The following CCDC141 variants were observed in gnomAD, a reference collection of about 807,000 sequenced individuals.
CCDC141 encodes coiled-coil domain-containing protein 141.
Under a neutral mutation model 181.0 loss-of-function variants are expected in CCDC141, and 168 were observed. The observed-to-expected ratio is 0.93, with a 90% CI of 0.82 to 1.05. The LOEUF is 1.05. Ranked by LOEUF, CCDC141 falls within the 50% of genes least tolerant of loss-of-function variation. CCDC141 has a pLI of 0.00. For missense variants in CCDC141, 1,902 were observed against 1,788.5 expected (o/e 1.06, Z -1.14); for synonymous variants, 666 against 642.3 (o/e 1.04, Z -0.56).
At chr2:179,001,249 T>TA (rs2041964313) in intron 2 of CCDC141, among the ~76,000 whole-genome samples, 2 of 152,214 alleles carry the variant, frequency 1.3e-5, no homozygotes. Flanking sequence ...TTTAGATACT[T>TA]ACGCATCTCT....
chr2:179,015,076 A>ATATATATATG (rs1271119135), intron 2 of CCDC141, among the ~76,000 whole-genome samples: 5 of 31,224 alleles, frequency 1.6e-4, no homozygotes, highest in African/African-American at 5.4e-4. Flanking sequence ...AGATATATAT[A>ATATATATATG]TATATATATA....
At chr2:179,037,273 T>A (rs888185808) in intron 2 of CCDC141, among the ~76,000 whole-genome samples, 1 of 152,212 alleles carries the variant, frequency 6.6e-6, no homozygotes, top group African/African-American at 2.4e-5. Flanking sequence ...AGTGGAAACA[T>A]CTTCCCTAAC....
In CCDC141 at chr2:178,950,199, CTT is replaced by C. The variant is rs573986561; in HGVS notation, c.781-5550_781-5549del. Among the ~76,000 whole-genome samples, 267 of 152,292 alleles carry C rather than the reference CTT, an allele frequency of 1.8e-3. 5 individuals are homozygous for C. In the South Asian group the frequency reaches 0.023, roughly 13 times the overall value. On this transcript the variant is annotated intron_variant, in intron 5 of 23. Transcript: ENST00000443758. ...GTTATTTATCTTCTTTAACCCAAGACTTTTTGACAGTCTCTCTGGCAATTACC... is the reference window on the plus strand; with the variant it reads ...GTTATTTATCTTCTTTAACCCAAGACTTTGACAGTCTCTCTGGCAATTACC...
chr2:178,903,927 G>A (rs536944614), intron 8 of CCDC141, among the ~76,000 whole-genome samples: 2 of 152,120 alleles, frequency 1.3e-5, no homozygotes, highest in East Asian at 1.9e-4. Context: ...AAACCTCACC[G>A]CTTAATTCAG....
chr2:179,005,383 C>T (rs977964744), intron 2 of CCDC141, among the ~76,000 whole-genome samples: 4 of 151,524 alleles, frequency 2.6e-5, no homozygotes, highest in South Asian at 2.1e-4. Flanking sequence ...TTTTAAAATA[C>T]GTTATAATGT....
At chr2:178,976,364 C>G (rs1362895798) in intron 3 of CCDC141, among the ~76,000 whole-genome samples, 1 of 151,670 alleles carries the variant, frequency 6.6e-6, no homozygotes, top group African/African-American at 2.4e-5. Context: ...TTTGGGGATT[C>G]TTAATATTTT....
chr2:178,916,233 T>A (rs1336807535), intron 7 of CCDC141, among the ~76,000 whole-genome samples: 1 of 152,216 alleles, frequency 6.6e-6, no homozygotes, highest in Non-Finnish European at 1.5e-5. Context: ...ATTCATTATA[T>A]AAACTGAACA....
chr2:178,889,549 A>G (rs1039450761), intron 8 of CCDC141, among the ~76,000 whole-genome samples: 6 of 152,218 alleles, frequency 3.9e-5, no homozygotes, highest in Non-Finnish European at 8.8e-5. Context: ...AGCTCAGAAC[A>G]AGGTACAGGT....
At chr2:178,963,760 C>T (rs1690503941) in intron 4 of CCDC141, among the ~76,000 whole-genome samples, 1 of 151,864 alleles carries the variant, frequency 6.6e-6, no homozygotes, top group Admixed American at 6.6e-5. Flanking sequence ...GTTTATTCCA[C>T]ATGACCTAGA....
At chr2:179,029,925 A>G (rs2042955600) in intron 2 of CCDC141, among the ~76,000 whole-genome samples, 1 of 152,136 alleles carries the variant, frequency 6.6e-6, no homozygotes, top group South Asian at 2.1e-4. Flanking sequence ...TAATTATCCA[A>G]TACTTTTTCC....
At chr2:178,823,803 G>T in the CCDC141 span, among the ~76,000 whole-genome samples, 6,850 of 152,186 alleles carry the variant, frequency 0.045, 293 homozygotes, top group Admixed American at 0.14. Context: ...AATCTTGTTT[G>T]ACATATACAG....
rs1561621257 is a variant in CCDC141 at position 178,837,457 on chromosome 2, C to T, written c.3762G>A (p.Gly1254=). The T allele has an allele frequency of 1.2e-6, 2 of 1,614,062 alleles. No homozygotes were observed. The highest frequency in any genetic ancestry group is 2.2e-5 in the South Asian group (2 of 91,060). ...LHISSYGVQA[G]TSSPGDAQES... Reference sequence around the variant, plus strand: ...CCTGGGCATCCCCTGGGCTGCTGGTCCCAGCCTGCACCCCATAGCTGCTTA... The same window carrying T: ...CCTGGGCATCCCCTGGGCTGCTGGTTCCAGCCTGCACCCCATAGCTGCTTA... The change falls in exon 23 of 24, where the codon GGG becomes GGA. Residue 1254 remains glycine (G), a synonymous_variant. Transcript: ENST00000443758.
chr2:178,950,506 T>A (rs1428220511), intron 5 of CCDC141, among the ~76,000 whole-genome samples: 1 of 152,196 alleles, frequency 6.6e-6, no homozygotes, highest in East Asian at 1.9e-4. Flanking sequence ...GTTGCTGATG[T>A]TTGTACCTGC....
intron 2 of CCDC141, among the ~76,000 whole-genome samples, chr2:178,999,873 G>A (rs2041908710): frequency 6.6e-6 from 1 of 151,884 alleles, no homozygotes; most frequent in East Asian, 1.9e-4. Flanking sequence ...CTCTTACTTG[G>A]GGCAAGGGTA....
At chr2:178,942,222 C>G (rs1032982334) in intron 6 of CCDC141, among the ~76,000 whole-genome samples, 19 of 152,082 alleles carry the variant, frequency 1.2e-4, no homozygotes, top group African/African-American at 4.6e-4. Context: ...TCCTGAATAG[C>G]TGAGTAGCAT....
chr2:178,936,586 T>C (rs1331433694), intron 6 of CCDC141, among the ~76,000 whole-genome samples: 3 of 152,174 alleles, frequency 2.0e-5, no homozygotes, highest in East Asian at 3.8e-4. Flanking sequence ...TGGGCTCTTT[T>C]TGATCTTATA....
chr2:178,942,588 T>C (rs1052716523), intron 6 of CCDC141, among the ~76,000 whole-genome samples: 2 of 152,176 alleles, frequency 1.3e-5, no homozygotes, highest in Non-Finnish European at 2.9e-5. Context: ...ATTCAATACA[T>C]ATCATCATAC....
the CCDC141 span, chr2:178,817,458 T>G: frequency 2.1e-6 from 1 of 469,472 alleles, no homozygotes; most frequent in South Asian, 1.6e-5. Flanking sequence ...GTGGATAATA[T>G]AGAAAAACAT....
rs145504113 is a variant in CCDC141 at position 178,840,236 on chromosome 2, T to A, written c.3475-2492A>T. 2.6e-5 allele frequency among the ~76,000 whole-genome samples: 4 copies of A among 152,294 alleles called. No individual in the cohort carries two copies. The East Asian group carries it at 7.7e-4, about 29-fold the overall frequency. On this transcript the variant is annotated intron_variant, in intron 22 of 23. Transcript: ENST00000443758. ...CCTCAACTCTCTCTCATCATCTTGG[T>A]CATTTCTGGGAGGTCCCACTCCTAC...
Sources: gnomAD v4.1 joint callset for allele counts (sites outside exome capture counted in the v4.1 genomes callset) on GRCh38, gnomAD v4.1.1 for gene constraint, MANE v1.5 for transcripts, NCBI Gene and HGNC (gene_info 2026-07-23, HGNC 2026-07-21) for gene names.